TFG: variants seen among roughly 807,000 people sequenced by gnomAD.
TFG encodes trafficking from ER to golgi regulator.
Under a neutral mutation model 51.4 loss-of-function variants are expected in TFG, and 22 were observed. The observed-to-expected ratio is 0.43, with a 90% CI of 0.31 to 0.61. The LOEUF is 0.61. Among genes scored for constraint, TFG ranks in the 20% least tolerant of loss-of-function variants. The pLI, the probability that TFG is intolerant of heterozygous loss-of-function variation, is 0.12. For missense variants in TFG, 419 were observed against 487.7 expected (o/e 0.86, Z 1.33); for synonymous variants, 187 against 165.6 (o/e 1.13, Z -0.99).
chr3:100,736,431 C>A (rs2095106402), intron 5 of TFG, 145 bp from the exon 6 acceptor site: 1 of 810,764 alleles, frequency 1.2e-6, no homozygotes, highest in Admixed American at 2.9e-5. Flanking sequence ...AAATAAAGTA[C>A]ATACATTTAA....
rs2095162095 is a variant in TFG, at chr3:100,748,884, A to AAAGT, written c.*355_*358dup. 4.0e-6 allele frequency: 1 copy of AAAGT among 249,628 alleles called. No individual in the cohort carries two copies. The allele number at this position is 249,628 out of a possible 1,614,324, so 15.5% of individuals were successfully genotyped here. On this transcript the variant is annotated 3_prime_UTR_variant, in exon 8 of 8. Coordinates refer to ENST00000240851, the MANE Select transcript of TFG (RefSeq NM_006070.6). The stretch of plus-strand genomic sequence containing the variant: ...CTTTTTACTATTAACATGATGTACT[A>AAAGT]AAGTAGAGCCCTTTGAGAATACAAG...
chr3:100,727,714 C>T (rs532335103), intron 3 of TFG, among the ~76,000 whole-genome samples: 28 of 152,230 alleles, frequency 1.8e-4, no homozygotes, highest in African/African-American at 6.3e-4. Context: ...TAAAAAATCA[C>T]AACTAGAGAT....
At chr3:100,727,832 A>G (rs894773388) in intron 3 of TFG, among the ~76,000 whole-genome samples, 5 of 152,004 alleles carry the variant, frequency 3.3e-5, no homozygotes, top group Non-Finnish European at 7.4e-5. Context: ...TTAAATTTAT[A>G]TTTATTTTTT....
intron 1 of TFG, among the ~76,000 whole-genome samples, chr3:100,712,953 G>A (rs2095035184): frequency 6.6e-6 from 1 of 152,216 alleles, no homozygotes; most frequent in Non-Finnish European, 1.5e-5. Context: ...AGGAAATGAA[G>A]TTAAATACTT....
At chr3:100,727,987 C>T (rs1352006243) in intron 3 of TFG, among the ~76,000 whole-genome samples, 1 of 152,182 alleles carries the variant, frequency 6.6e-6, no homozygotes, top group African/African-American at 2.4e-5. Flanking sequence ...CATGTGCTGC[C>T]ACACTTGGCT....
At chr3:100,712,961 C>T (rs1159472270) in intron 1 of TFG, among the ~76,000 whole-genome samples, 1 of 152,230 alleles carries the variant, frequency 6.6e-6, no homozygotes, top group African/African-American at 2.4e-5. Flanking sequence ...AAGTTAAATA[C>T]TTGGCCAGGG....
intron 6 of TFG, chr3:100,744,532 T>TA: frequency 4.3e-6 from 1 of 231,046 alleles, no homozygotes; most frequent in East Asian, 8.6e-5. Flanking sequence ...TAGCGTTACT[T>TA]ATCTGTTGGC....
chr3:100,711,270 T>A (rs2095030633), intron 1 of TFG, among the ~76,000 whole-genome samples: 3 of 152,216 alleles, frequency 2.0e-5, no homozygotes, highest in Admixed American at 2.0e-4. Context: ...AACTGGCTCA[T>A]TTTTGTATTT....
At chr3:100,734,093 C>T (rs1264264569) in intron 5 of TFG, among the ~76,000 whole-genome samples, 1 of 151,554 alleles carries the variant, frequency 6.6e-6, no homozygotes, top group East Asian at 1.9e-4. Context: ...TTGTGATGGC[C>T]TTTGTGTAGG....
At position 100,746,221 on chromosome 3, in the gene TFG, C is replaced by T. The variant is rs7645141; in HGVS notation, c.820+1290C>T. The stretch of plus-strand genomic sequence containing the variant: ...TGAAGAGATTTAGTCATCATTTAAT[C>T]TCGGGATTTCGGTCCTCACTATGCT... On this transcript the variant is annotated intron_variant, in intron 7 of 7. Coordinates refer to ENST00000240851, the MANE Select transcript of TFG (RefSeq NM_006070.6). 2.3e-3 allele frequency among the ~76,000 whole-genome samples: 343 copies of T among 152,220 alleles called. 2 individuals carry two copies. The highest frequency in any genetic ancestry group is 4.6e-3 in the South Asian group (22 of 4,826).
intron 5 of TFG, 47 bp from the exon 6 acceptor site, chr3:100,736,529 G>A (rs374540797): frequency 6.3e-7 from 1 of 1,590,404 alleles, no homozygotes; most frequent in African/African-American, 1.3e-5. Flanking sequence ...CTTGCTGGGG[G>A]AAGGCCTTGT....
Position 100,710,272 on chromosome 3 carries a change from G to GACTT in TFG, c.-44+552_-44+553insCTTA, listed in dbSNP as rs1365306890. On this transcript the variant is annotated intron_variant, in intron 1 of 7. Transcript: ENST00000240851. ...TAGTGATGATTCTAGCTAACTTTAA[G>GACTT]AGTTTGCTTTGCTGGACACTACAGT... The GACTT allele has an allele frequency of 2.0e-5, 3 of 152,256 alleles. No homozygotes were observed. The East Asian group carries it at 5.8e-4, about 29-fold the overall frequency. The allele number at this position is 152,256 out of a possible 1,614,324, so 9.4% of individuals were successfully genotyped here. A position where few individuals can be genotyped will look rare whatever the true frequency, so the allele number is the denominator to read the frequency against.
chr3:100,735,976 G>T (rs1229513069), intron 5 of TFG, among the ~76,000 whole-genome samples: 7 of 152,210 alleles, frequency 4.6e-5, no homozygotes, highest in African/African-American at 1.7e-4. Context: ...AGTCAAGAAG[G>T]CTTACTAGAA....
At chr3:100,718,423 T>A (rs1483116548) in intron 2 of TFG, among the ~76,000 whole-genome samples, 1 of 152,114 alleles carries the variant, frequency 6.6e-6, no homozygotes, top group Non-Finnish European at 1.5e-5. Flanking sequence ...GTAAAAACCA[T>A]TTTTCATTCA....
chr3:100,711,089 GT>G (rs1273131804), intron 1 of TFG: 1 of 149,892 alleles, frequency 6.7e-6, no homozygotes, highest in Non-Finnish European at 1.5e-5. Context: ...CAGATAGAAA[GT>G]ATACGTGACT....
intron 1 of TFG, among the ~76,000 whole-genome samples, chr3:100,712,488 C>G (rs1166534424): frequency 6.6e-6 from 1 of 152,158 alleles, no homozygotes; most frequent in Non-Finnish European, 1.5e-5. Flanking sequence ...CTCAAGAGAT[C>G]ATTTTCTTGG....
intron 4 of TFG, among the ~76,000 whole-genome samples, chr3:100,731,704 G>A (rs1294221335): frequency 6.6e-6 from 1 of 152,002 alleles, no homozygotes; most frequent in Non-Finnish European, 1.5e-5. Context: ...TTACAGGCAT[G>A]CATCACTGTG....
intron 6 of TFG, among the ~76,000 whole-genome samples, chr3:100,741,555 A>G (rs1402030351): frequency 6.6e-6 from 1 of 152,222 alleles, no homozygotes; most frequent in African/African-American, 2.4e-5. Flanking sequence ...ACAGTAAGCT[A>G]AGGTTAATTT....
chr3:100,734,740 C>T (rs750497893), intron 5 of TFG, among the ~76,000 whole-genome samples: 2 of 152,078 alleles, frequency 1.3e-5, no homozygotes, highest in Non-Finnish European at 2.9e-5. Flanking sequence ...GAATTACTCA[C>T]AAAAGAGAAT....
Sources: gnomAD v4.1 joint callset for allele counts (sites outside exome capture counted in the v4.1 genomes callset) on GRCh38, gnomAD v4.1.1 for gene constraint, MANE v1.5 for transcripts, NCBI Gene and HGNC (gene_info 2026-07-23, HGNC 2026-07-21) for gene names.